Variants in DENND2A observed in about 807,000 individuals in gnomAD.
DENND2A encodes DENN domain containing 2A.
In DENND2A, 53 loss-of-function variants were observed where a neutral mutation model predicts 105.3. The observed-to-expected ratio is 0.50, with a 90% CI of 0.40 to 0.63. DENND2A has a LOEUF of 0.63. Among genes scored for constraint, DENND2A ranks in the 30% least tolerant of loss-of-function variants. The pLI is 0.00. For missense variants in DENND2A, 1,138 were observed against 1,279.6 expected (o/e 0.89, Z 1.69); for synonymous variants, 522 against 508.4 (o/e 1.03, Z -0.36).
At chr7:140,553,588 T>C (rs1458968427) in intron 12 of DENND2A, among the ~76,000 whole-genome samples, 2 of 152,142 alleles carry the variant, frequency 1.3e-5, no homozygotes, top group Non-Finnish European at 1.5e-5. Context: ...TTTCAGACTA[T>C]CCCATGAGGA....
Position 140,567,030 on chromosome 7 carries a change from C to CTGATGGTTAG in DENND2A, c.1779+55_1779+56insCTAACCATCA, listed in dbSNP as rs1377996851. 1,890 of 1,480,082 alleles carry CTGATGGTTAG rather than the reference C, an allele frequency of 1.3e-3. 19 individuals carry two copies. The African/African-American group carries it at 0.019, about 15-fold the overall frequency. 91.7% of individuals were successfully genotyped at this position (1,480,082 alleles called of 1,614,324 possible). The stretch of plus-strand genomic sequence containing the variant: ...CACACCTCCCTCAATTCATGAGTCC[C>CTGATGGTTAG]AACAAGGTGATGGTTAGAACCCTGG... On this transcript the variant is annotated intron_variant, in intron 9 of 19. Transcript: ENST00000496613.
intron 1 of DENND2A, among the ~76,000 whole-genome samples, chr7:140,618,585 G>A (rs964763788): frequency 2.0e-5 from 3 of 152,086 alleles, no homozygotes; most frequent in African/African-American, 7.2e-5. Flanking sequence ...GTGCTCCTTC[G>A]ACAATATTCC....
intron 18 of DENND2A, among the ~76,000 whole-genome samples, chr7:140,521,032 G>A (rs1795841345): frequency 1.4e-5 from 2 of 147,954 alleles, no homozygotes; most frequent in South Asian, 2.1e-4. Context: ...ACACCACCAC[G>A]CCTGGCTAAT....
At chr7:140,582,727 C>T (rs917089886) in intron 5 of DENND2A, among the ~76,000 whole-genome samples, 3 of 152,256 alleles carry the variant, frequency 2.0e-5, no homozygotes, top group Non-Finnish European at 2.9e-5. Context: ...CACCTGCCAG[C>T]GATGCTGACC....
At chr7:140,534,324 C>CT (rs1339186973) in intron 14 of DENND2A, among the ~76,000 whole-genome samples, 3 of 151,844 alleles carry the variant, frequency 2.0e-5, no homozygotes, top group South Asian at 4.2e-4. Flanking sequence ...ACCTCATGAT[C>CT]TGCCCACCTT....
chr7:140,590,160 C>G (rs973731610), intron 3 of DENND2A, among the ~76,000 whole-genome samples: 2 of 152,034 alleles, frequency 1.3e-5, no homozygotes, highest in Admixed American at 1.3e-4. Context: ...GAGGCCGAGG[C>G]GGGCGGATCA....
intron 3 of DENND2A, among the ~76,000 whole-genome samples, chr7:140,591,962 C>T (rs867884828): frequency 1.4e-3 from 56 of 39,894 alleles, no homozygotes; most frequent in African/African-American, 6.0e-3. Context: ...CTACTCCCCT[C>T]CCCTCCCCCT....
chr7:140,602,279 C>T lies in DENND2A; in HGVS notation c.119G>A (p.Arg40Gln), dbSNP rs547130877. ...GTCCTTTATGTTGAGGGACTTGTGC[C>T]GGGGTCTGGCTCTGGCAGATGGGCA... is the stretch of plus-strand genomic sequence containing the variant. ...NPCPSARARP[R>Q]HKSLNIKDKI... Residue 40 changes from arginine to glutamine, a missense_variant, in exon 3 of 20, where the codon CGG (arginine) becomes CAG (glutamine). Coordinates refer to ENST00000496613, the MANE Select transcript of DENND2A (RefSeq NM_015689.5). 41 of 1,611,190 alleles carry T rather than the reference C, an allele frequency of 2.5e-5. No homozygotes were observed. Among genetic ancestry groups the T allele is most frequent in the South Asian group, 6.6e-5 (6 of 91,068 alleles).
At chr7:140,534,476 A>G (rs574990216) in intron 14 of DENND2A, among the ~76,000 whole-genome samples, 6 of 151,092 alleles carry the variant, frequency 4.0e-5, no homozygotes, top group South Asian at 2.1e-4. Context: ...CCTTTCCTCA[A>G]AATAAATGAT....
intron 10 of DENND2A, among the ~76,000 whole-genome samples, chr7:140,558,919 C>T (rs1459096237): frequency 1.3e-5 from 2 of 151,738 alleles, no homozygotes; most frequent in Non-Finnish European, 2.9e-5. Context: ...TCTCCTGCCC[C>T]AGCGCCTGCC....
chr7:140,519,263 C>T (rs776273723), intron 19 of DENND2A, among the ~76,000 whole-genome samples: 1 of 152,150 alleles, frequency 6.6e-6, no homozygotes, highest in Non-Finnish European at 1.5e-5. Context: ...GTAAGTGTCA[C>T]GTTTCTACTT....
At position 140,640,606 on chromosome 7, in the gene DENND2A, T is replaced by C. The variant is rs1801166090; in HGVS notation, c.-350A>G. 6.8e-6 allele frequency: 1 copy of C among 147,668 alleles called. No individual in the cohort carries two copies. Among genetic ancestry groups the C allele is most frequent in the Non-Finnish European group, 1.5e-5 (1 of 66,318 alleles). 9.1% of individuals were successfully genotyped at this position (147,668 alleles called of 1,614,324 possible). On this transcript the variant is annotated 5_prime_UTR_variant, in exon 1 of 20. Coordinates refer to ENST00000496613, the MANE Select transcript of DENND2A (RefSeq NM_015689.5). The surrounding 1 kb of genome is among the most constrained non-coding windows in gnomAD (Gnocchi z 4.9). ...CGGCTCGGGGGCGGGCGGCGGCGGG[T>C]GCCGGGGACGCCATGGCCCTCCGCC...
intron 12 of DENND2A, among the ~76,000 whole-genome samples, chr7:140,550,128 TAGGGGTGGGGTTA>T (rs1331078434): frequency 7.1e-3 from 32 of 4,514 alleles, no homozygotes; most frequent in Non-Finnish European, 0.015. Flanking sequence ...GGGGAGGGGA[TAGGGGTGGGGTTA>T]GGGGTGGGGT....
intron 1 of DENND2A, among the ~76,000 whole-genome samples, chr7:140,606,630 G>T (rs376234445): frequency 8.5e-5 from 13 of 152,228 alleles, no homozygotes; most frequent in Admixed American, 6.5e-4. Flanking sequence ...CACCCCATGG[G>T]GAGCCCCTCC....
At chr7:140,604,920 C>T (rs1372949938) in intron 2 of DENND2A, among the ~76,000 whole-genome samples, 1 of 152,172 alleles carries the variant, frequency 6.6e-6, no homozygotes, top group African/African-American at 2.4e-5. Context: ...CAAAGTACAG[C>T]ATACTTTCTA....
chr7:140,519,650 T>C lies in DENND2A; in HGVS notation c.2980A>G (p.Lys994Glu). The change falls in exon 19 of 20, where the codon AAG becomes GAG. Residue 994 changes from lysine to glutamate, a missense_variant. Physicochemically the swap from Lys to Glu is moderately conservative, Grantham distance 56. This residue lies in a region of DENND2A where 627 missense variants were observed against 779.8 expected (regional missense o/e 0.80). Transcript: ENST00000496613. ...LPSGEHSGVN[K>E]FLKGLGNKMK... ...GCCTTACCTAGTCCCTTCAGGAACT[T>C]ATTGACACCGCTGTGCTCTCCACTG... 1 of 1,614,036 alleles carries C rather than the reference T, an allele frequency of 6.2e-7. No homozygotes were observed. Among genetic ancestry groups the C allele is most frequent in the Non-Finnish European group, 8.5e-7 (1 of 1,179,986 alleles).
At chr7:140,567,669 C>T (rs909465849) in intron 8 of DENND2A, among the ~76,000 whole-genome samples, 3 of 152,108 alleles carry the variant, frequency 2.0e-5, no homozygotes, top group African/African-American at 7.2e-5. Flanking sequence ...CTCCCCTCAC[C>T]CATTTCCCTC....
intron 14 of DENND2A, among the ~76,000 whole-genome samples, chr7:140,531,485 G>A (rs111931753): frequency 1.5e-3 from 235 of 152,220 alleles, no homozygotes; most frequent in Non-Finnish European, 2.9e-3. Context: ...TGTGCTGCAC[G>A]TTTCCCAGCT....
At position 140,559,675 on chromosome 7, in the gene DENND2A, T is replaced by G; in HGVS notation, c.1889+33A>C. ...CCGTCTCTAAGTCTCGCCTTAGTCT[T>G]TGGGGCTGCGAAGGGGAGAAGCCAG... On this transcript the variant is annotated intron_variant, in intron 10 of 19. Coordinates refer to ENST00000496613, the MANE Select transcript of DENND2A (RefSeq NM_015689.5). This position sits in a 1 kb window ranked among gnomAD's most constrained non-coding sequence, Gnocchi z 4.1. 1 of 1,515,618 alleles carries G rather than the reference T, an allele frequency of 6.6e-7. No homozygotes were observed. Among genetic ancestry groups the G allele is most frequent in the Non-Finnish European group, 9.2e-7 (1 of 1,091,264 alleles). The allele number at this position is 1,515,618 out of a possible 1,614,324, so 93.9% of individuals were successfully genotyped here. A position where few individuals can be genotyped will look rare whatever the true frequency, so the allele number is the denominator to read the frequency against.
Sources: allele counts gnomAD v4.1 joint callset (sites outside exome capture counted in the v4.1 genomes callset), GRCh38; gene constraint gnomAD v4.1.1; regional missense constraint gnomAD v4.1.1; non-coding constraint Gnocchi (gnomAD v3.1); transcripts MANE v1.5; gene names NCBI Gene and HGNC (gene_info 2026-07-23, HGNC 2026-07-21).